Variants in GRAMD1B observed in about 807,000 individuals in gnomAD.
GRAMD1B encodes the protein GRAM domain containing 1B, also known as protein Aster-B.
Under a neutral mutation model 99.7 loss-of-function variants are expected in GRAMD1B, and 37 were observed. The ratio of observed to expected loss-of-function variants is 0.37; its 90% CI spans 0.29 to 0.49. The LOEUF (loss-of-function observed/expected upper bound fraction) is 0.49, where lower values mean the gene tolerates loss of function less well. GRAMD1B is among the 20% of genes least tolerant of loss of function. The pLI is 0.98. For synonymous variants in GRAMD1B, 427 were observed against 387.6 expected, an observed-to-expected ratio of 1.10 and a Z score of -1.19; for missense variants, 888 against 1,009.2, an observed-to-expected ratio of 0.88 and a Z score of 1.63.
upstream of GRAMD1B, among the ~76,000 whole-genome samples, chr11:123,429,787 T>C (rs1428445785): frequency 6.6e-6 from 1 of 152,188 alleles, no homozygotes; most frequent in Non-Finnish European, 1.5e-5. The surrounding 1 kb of genome is among the most constrained non-coding windows in gnomAD (Gnocchi z 4.0). Context: ...CAGCTTGTCA[T>C]TTTGGAAGCA....
chr11:123,575,639 C>T (rs1371593094), intron 2 of GRAMD1B, among the ~76,000 whole-genome samples: 3 of 152,272 alleles, frequency 2.0e-5, no homozygotes, highest in Middle Eastern at 3.4e-3. Context: ...CCCAGAAAGA[C>T]GTGTGTTGGC....
intron 2 of GRAMD1B, among the ~76,000 whole-genome samples, chr11:123,525,478 T>C (rs1386099543): frequency 2.0e-5 from 3 of 152,152 alleles, no homozygotes; most frequent in African/African-American, 7.2e-5. Flanking sequence ...AGTGCTCAAC[T>C]TCAGATATTT....
chr11:123,589,637 T>TATATATATATA (rs1565424189), intron 4 of GRAMD1B, among the ~76,000 whole-genome samples: 1 of 147,348 alleles, frequency 6.8e-6, no homozygotes, highest in African/African-American at 2.5e-5. Context: ...TATATATATA[T>TATATATATATA]TTGTAGTAGA....
intron 1 of GRAMD1B, among the ~76,000 whole-genome samples, chr11:123,475,106 C>T (rs940608204): frequency 4.6e-5 from 7 of 152,102 alleles, no homozygotes; most frequent in Non-Finnish European, 8.8e-5. Flanking sequence ...TTTCAGAGGG[C>T]AGAAGGACGG....
intron 1 of GRAMD1B, among the ~76,000 whole-genome samples, chr11:123,397,629 A>C (rs952883928): frequency 3.3e-5 from 5 of 152,044 alleles, no homozygotes; most frequent in Admixed American, 3.3e-4. Context: ...CAGCCTCCCA[A>C]GTAGCTGGGA....
chr11:123,466,448 A>G (rs111381586), intron 1 of GRAMD1B, among the ~76,000 whole-genome samples: 10 of 145,764 alleles, frequency 6.9e-5, no homozygotes, highest in African/African-American at 2.8e-4. Context: ...GAAAGAAAGA[A>G]AGAGAAAGAA....
intron 2 of GRAMD1B, among the ~76,000 whole-genome samples, chr11:123,551,157 G>T (rs551283676): frequency 1.3e-5 from 2 of 151,942 alleles, no homozygotes; most frequent in Non-Finnish European, 2.9e-5. Context: ...GCCCTGCAGG[G>T]TTATCCCAAA....
At chr11:123,600,697 G>A (rs955260530) in intron 8 of GRAMD1B, 149 bp downstream of exon 8, 52 of 563,916 alleles carry the variant, frequency 9.2e-5, no homozygotes, top group African/African-American at 7.1e-4. Flanking sequence ...AATCTCCCAC[G>A]AATGGCCTCA....
chr11:123,378,561 T>C (rs1226317172), intron 1 of GRAMD1B, among the ~76,000 whole-genome samples: 3 of 152,166 alleles, frequency 2.0e-5, no homozygotes, highest in African/African-American at 4.8e-5. Context: ...TATGGGGAAA[T>C]GGTAGGAGAA....
intron 2 of GRAMD1B, among the ~76,000 whole-genome samples, chr11:123,497,602 C>T (rs1939428212): frequency 6.6e-6 from 1 of 152,138 alleles, no homozygotes; most frequent in Admixed American, 6.5e-5. Flanking sequence ...GTGTTCTATT[C>T]TACTGCAGCT....
intron 1 of GRAMD1B, among the ~76,000 whole-genome samples, chr11:123,373,780 T>C (rs1946607480): frequency 6.6e-6 from 1 of 152,226 alleles, no homozygotes; most frequent in South Asian, 2.1e-4. Context: ...TAGGAGTTAA[T>C]GAATTATTCT....
chr11:123,382,416 C>A (rs1196965528), intron 1 of GRAMD1B, among the ~76,000 whole-genome samples: 1 of 152,076 alleles, frequency 6.6e-6, no homozygotes, highest in East Asian at 1.9e-4. Context: ...ACACGAAGGT[C>A]CATAATTAAG....
At chr11:123,410,490 G>C (rs1430849092) in intron 1 of GRAMD1B, among the ~76,000 whole-genome samples, 1 of 152,032 alleles carries the variant, frequency 6.6e-6, no homozygotes, top group African/African-American at 2.4e-5. Flanking sequence ...ATGCTCCATC[G>C]GTGACTCCGA....
At chr11:123,467,006 T>C (rs1950712258) in intron 1 of GRAMD1B, among the ~76,000 whole-genome samples, 1 of 152,200 alleles carries the variant, frequency 6.6e-6, no homozygotes. Flanking sequence ...AGAACCCATT[T>C]GAGGAATATA....
intron 19 of GRAMD1B, among the ~76,000 whole-genome samples, chr11:123,620,404 G>A (rs1954957392): frequency 6.7e-6 from 1 of 149,864 alleles, no homozygotes. Flanking sequence ...AACCTGGGAG[G>A]TGGAGGTTTC....
chr11:123,509,778 T>A (rs1023171561), intron 2 of GRAMD1B: 1 of 152,380 alleles, frequency 6.6e-6, no homozygotes, highest in Non-Finnish European at 1.5e-5. Flanking sequence ...GAGAGGAAGC[T>A]GTAGTCACTG....
chr11:123,361,787 C>T (rs140286941), intron 1 of GRAMD1B, among the ~76,000 whole-genome samples: 355 of 152,296 alleles, frequency 2.3e-3, no homozygotes, highest in South Asian at 0.012. Context: ...GGTGGGTCTG[C>T]ATTGCACATC....
Position 123,431,092 on chromosome 11 carries a change from G to T in GRAMD1B, c.300G>T (p.Ala100=). Residue 100 remains alanine (A), a synonymous_variant, in exon 1 of 20, where the codon GCG becomes GCT. Coordinates refer to ENST00000635736, the MANE Select transcript of GRAMD1B (RefSeq NM_001387025.1). ...GGTCCAACTGCTCCACACCCAGCGC[G>T]TCCCCGCGCCGAAAACGCTTCCTCC... ...TPWSNCSTPS[A]SPRRKRFLLR... is the part of the protein sequence containing the mutation. 1 of 703,040 alleles carries T rather than the reference G, an allele frequency of 1.4e-6. No homozygotes were observed. 43.6% of individuals were successfully genotyped at this position (703,040 alleles called of 1,614,324 possible). A position where few individuals can be genotyped will look rare whatever the true frequency, so the allele number is the denominator to read the frequency against.
intron 4 of GRAMD1B, among the ~76,000 whole-genome samples, chr11:123,589,332 A>G (rs1950390781): frequency 6.6e-6 from 1 of 151,850 alleles, no homozygotes; most frequent in African/African-American, 2.4e-5. Context: ...TGGGGTGTCC[A>G]TCTAGAGAGG....
Sources: gnomAD v4.1 joint callset for allele counts (sites outside exome capture counted in the v4.1 genomes callset) on GRCh38, gnomAD v4.1.1 for gene constraint, Gnocchi (gnomAD v3.1) non-coding constraint, MANE v1.5 for transcripts, NCBI Gene and HGNC (gene_info 2026-07-23, HGNC 2026-07-21) for gene names.